Variants in PLAA observed in about 807,000 individuals in gnomAD.
The protein encoded by PLAA is phospholipase A2 activating protein.
PLAA carries 48 observed loss-of-function variants against 84.1 expected under a neutral mutation model. The observed-to-expected ratio is 0.57, with a 90% CI of 0.45 to 0.73. The LOEUF (loss-of-function observed/expected upper bound fraction) is 0.73, where lower values mean the gene tolerates loss of function less well. Among genes scored for constraint, PLAA ranks in the 30% least tolerant of loss-of-function variants. The pLI is 0.00. For synonymous variants in PLAA, 392 were observed against 336.6 expected (o/e 1.16, Z -1.80); for missense variants, 903 against 954.7 (o/e 0.95, Z 0.71).
Position 26,919,466 on chromosome 9 carries a change from T to C in PLAA, c.1261A>G (p.Asn421Asp), listed in dbSNP as rs1401257206. The change falls in exon 9 of 14, where the codon AAT becomes GAT. Residue 421 changes from asparagine to aspartate, a missense_variant. Transcript: ENST00000397292. ...EGGPSYKLPYNTSDDPWLTAY... is the reference protein window; with the variant it reads ...EGGPSYKLPYDTSDDPWLTAY... The stretch of plus-strand genomic sequence containing the variant: ...GTTAACCAAGGGTCATCACTGGTAT[T>C]ATATGGCAATTTATATGATGGTCCA... The C allele has an allele frequency of 1.2e-6, 2 of 1,611,158 alleles. No homozygotes were observed. Among genetic ancestry groups the C allele is most frequent in the Non-Finnish European group, 1.7e-6 (2 of 1,177,678 alleles).
rs1587142106 is a variant in PLAA at position 26,903,418 on chromosome 9, T to G, written c.*2093A>C. On this transcript the variant is annotated 3_prime_UTR_variant, in exon 14 of 14. Transcript: ENST00000397292. ...AATGTGGAGCTCTTTGTACCAAATATAAGTTTAAAAATCAGGTTATCAAAG... is the reference window on the plus strand; with the variant it reads ...AATGTGGAGCTCTTTGTACCAAATAGAAGTTTAAAAATCAGGTTATCAAAG... 6.6e-6 allele frequency among the ~76,000 whole-genome samples: 1 copy of G among 152,230 alleles called. No individual in the cohort carries two copies. The highest frequency in any genetic ancestry group is 1.5e-5 in the Non-Finnish European group (1 of 68,036).
chr9:26,913,985 T>C, intron 10 of PLAA, 38 bp from the exon 11 acceptor site: 2 of 1,442,666 alleles, frequency 1.4e-6, no homozygotes, highest in Non-Finnish European at 9.7e-7. Context: ...CAAAGGTGAC[T>C]GTAAATTATA....
chr9:26,934,257 T>G (rs1587183566), intron 2 of PLAA, among the ~76,000 whole-genome samples: 1 of 152,136 alleles, frequency 6.6e-6, no homozygotes, highest in South Asian at 2.1e-4. Context: ...AAATCCAGAA[T>G]TATCACAGAA....
intron 13 of PLAA, 29 bp downstream of exon 13, chr9:26,907,805 G>A: frequency 6.4e-7 from 1 of 1,563,186 alleles, no homozygotes; most frequent in Non-Finnish European, 8.6e-7. Flanking sequence ...CTTGCTTTCT[G>A]GTTACATTTT....
chr9:26,903,430 T>C lies in PLAA; in HGVS notation c.*2081A>G, dbSNP rs1440629526. On this transcript the variant is annotated 3_prime_UTR_variant, in exon 14 of 14. Transcript: ENST00000397292. ...TTTGTACCAAATATAAGTTTAAAAATCAGGTTATCAAAGAGTATGTATGAT... is the reference window on the plus strand; with the variant it reads ...TTTGTACCAAATATAAGTTTAAAAACCAGGTTATCAAAGAGTATGTATGAT... 3.9e-5 allele frequency among the ~76,000 whole-genome samples: 6 copies of C among 152,216 alleles called. No homozygotes were observed. Among genetic ancestry groups the C allele is most frequent in the Non-Finnish European group, 5.9e-5 (4 of 68,026 alleles).
Position 26,908,983 on chromosome 9 carries a change from A to G in PLAA, c.1658-985T>C, listed in dbSNP as rs73643112. 3.3e-3 allele frequency among the ~76,000 whole-genome samples: 496 copies of G among 152,312 alleles called. 1 individual carries two copies. The highest frequency in any genetic ancestry group is 0.011 in the African/African-American group (468 of 41,566). On this transcript the variant is annotated intron_variant, in intron 12 of 13. Transcript: ENST00000397292. ...GTTCCATATGCATATTTGATGTCAC[A>G]TTATTTTAAAAATTTATTTAATGGA...
In PLAA at chr9:26,904,710, G is replaced by T. The variant is rs938943347; in HGVS notation, c.*801C>A. 4 of 152,122 alleles carry T rather than the reference G, an allele frequency of 2.6e-5. No individual in the cohort carries two copies. The highest frequency in any genetic ancestry group is 9.7e-5 in the African/African-American group (4 of 41,422). The allele number at this position is 152,122 out of a possible 1,614,324, so 9.4% of individuals were successfully genotyped here. On this transcript the variant is annotated 3_prime_UTR_variant, in exon 14 of 14. Transcript: ENST00000397292. Reference sequence around the variant, plus strand: ...AAATAATACAGTTTGATGTACTCTTGCTTATGTAACCACCTGATAAAATTC... The same window carrying T: ...AAATAATACAGTTTGATGTACTCTTTCTTATGTAACCACCTGATAAAATTC...
At chr9:26,915,760 C>G in intron 10 of PLAA, 2 of 985,174 alleles carry the variant, frequency 2.0e-6, no homozygotes, top group Non-Finnish European at 2.4e-6. Context: ...CATTATGGAA[C>G]AGTGAGATAT....
chr9:26,926,008 C>T, intron 5 of PLAA, 48 bp from the exon 6 acceptor site: 1 of 1,432,902 alleles, frequency 7.0e-7, no homozygotes, highest in Non-Finnish European at 9.8e-7. Flanking sequence ...AAATTAAGTA[C>T]ATTTATACAT....
At chr9:26,915,413 A>T (rs1255393541) in intron 10 of PLAA, among the ~76,000 whole-genome samples, 1 of 152,200 alleles carries the variant, frequency 6.6e-6, no homozygotes, top group East Asian at 1.9e-4. Context: ...TTAGCAGTTT[A>T]AGGACTGCAT....
chr9:26,932,357 T>C (rs2131406415), intron 2 of PLAA, among the ~76,000 whole-genome samples: 1 of 152,378 alleles, frequency 6.6e-6, no homozygotes, highest in Non-Finnish European at 1.5e-5. Context: ...AAACTAAGAA[T>C]GTTTTTTACG....
In PLAA at chr9:26,928,407, A is replaced by C. The variant is rs780222212; in HGVS notation, c.345T>G (p.Val115=). 6 of 1,583,492 alleles carry C rather than the reference A, an allele frequency of 3.8e-6. No individual in the cohort carries two copies. The South Asian group carries it at 4.4e-5, about 12-fold the overall frequency. Residue 115 remains valine (V), a splice_region_variant and synonymous_variant, in exon 3 of 14, where the codon GTT becomes GTG. Coordinates refer to ENST00000397292, the MANE Select transcript of PLAA (RefSeq NM_001031689.3). ...LYILKGHKNT[V]CSLSSGKFGT... ...CAAATTTTCCAGATGATAGACTACA[A>C]ACTAAGGAAAAAACATCATTGGATA...
intron 6 of PLAA, 91 bp from the exon 7 acceptor site, chr9:26,923,438 G>A (rs1165313317): frequency 1.0e-6 from 1 of 971,998 alleles, no homozygotes; most frequent in Non-Finnish European, 1.5e-6. Flanking sequence ...AATAATCTGT[G>A]TTTGTGAATA....
Position 26,903,754 on chromosome 9 carries a change from T to C in PLAA, c.*1757A>G, listed in dbSNP as rs1824149617. Among the ~76,000 whole-genome samples the C allele has an allele frequency of 6.6e-6, 1 of 152,180 alleles. No homozygotes were observed. The highest frequency in any genetic ancestry group is 6.5e-5 in the Admixed American group (1 of 15,272). On this transcript the variant is annotated 3_prime_UTR_variant, in exon 14 of 14. Transcript: ENST00000397292. Reference sequence around the variant, plus strand: ...TGTAATCTCCACAACAAACATGAAATAGTAAAGTTGACATAAAAAAACTTG... The same window carrying C: ...TGTAATCTCCACAACAAACATGAAACAGTAAAGTTGACATAAAAAAACTTG...
chr9:26,929,267 T>C (rs1485072750), intron 2 of PLAA, among the ~76,000 whole-genome samples: 5 of 151,476 alleles, frequency 3.3e-5, no homozygotes, highest in South Asian at 2.1e-4. Context: ...TCCTAGCATT[T>C]TGAACTGAGC....
intron 13 of PLAA, among the ~76,000 whole-genome samples, chr9:26,906,616 C>G (rs571346214): frequency 5.3e-5 from 8 of 151,884 alleles, no homozygotes; most frequent in African/African-American, 1.9e-4. Flanking sequence ...TTAGTAGAGA[C>G]GAGGTTTCAT....
Position 26,905,735 on chromosome 9 carries a change from T to C in PLAA, c.2164A>G (p.Lys722Glu). The change falls in exon 14 of 14, where the codon AAA (lysine) becomes GAA (glutamate). Residue 722 changes from lysine (K) to glutamate (E), a missense_variant. Lys to Glu is a moderately conservative substitution (Grantham distance 56). Transcript: ENST00000397292. ...CFHKDHNIEG[K>E]AQCLSLISTI... ...CTAATTAGTGACAAACATTGGGCTT[T>C]CCCTTCAATGTTATGGTCTTTATGA... is the stretch of plus-strand genomic sequence containing the variant. The C allele has an allele frequency of 6.2e-7, 1 of 1,614,032 alleles. No homozygotes were observed. Among genetic ancestry groups the C allele is most frequent in the Non-Finnish European group, 8.5e-7 (1 of 1,179,870 alleles).
intron 2 of PLAA, among the ~76,000 whole-genome samples, chr9:26,931,137 T>G (rs1217604686): frequency 7.0e-6 from 1 of 142,698 alleles, no homozygotes; most frequent in Non-Finnish European, 1.5e-5. Context: ...AATGGCCAGA[T>G]ATGGAACAAT....
At chr9:26,908,389 A>G (rs531925893) in intron 12 of PLAA, among the ~76,000 whole-genome samples, 2 of 151,648 alleles carry the variant, frequency 1.3e-5, no homozygotes, top group African/African-American at 4.8e-5. Context: ...GATGGTCTCA[A>G]TCTCCTGACC....
Sources: gnomAD v4.1 joint callset for allele counts (sites outside exome capture counted in the v4.1 genomes callset) on GRCh38, gnomAD v4.1.1 for gene constraint, MANE v1.5 for transcripts, NCBI Gene and HGNC (gene_info 2026-07-23, HGNC 2026-07-21) for gene names.